Variants in CAST observed in about 807,000 individuals in gnomAD.
CAST encodes calpastatin, also known as MIR583 host.
Under a neutral mutation model 119.6 loss-of-function variants are expected in CAST, and 76 were observed. That is an observed-to-expected ratio of 0.64 (90% CI 0.53 to 0.77). CAST has a LOEUF of 0.77. Among genes scored for constraint, CAST ranks in the 30% least tolerant of loss-of-function variants. The pLI, the probability that CAST is intolerant of heterozygous loss-of-function variation, is 0.00. For synonymous variants in CAST, 319 were observed against 331.6 expected (o/e 0.96, Z 0.41); for missense variants, 953 against 946.5 (o/e 1.01, Z -0.09).
At chr5:96,746,717 T>C (rs1298471513) in intron 17 of CAST, among the ~76,000 whole-genome samples, 4 of 152,186 alleles carry the variant, frequency 2.6e-5, no homozygotes, top group South Asian at 2.1e-4. Context: ...AAGGAACAAT[T>C]TGGGGATAAT....
At chr5:96,509,027 G>A in the CAST span, among the ~76,000 whole-genome samples, 633 of 152,258 alleles carry the variant, frequency 4.2e-3, 5 homozygotes, top group African/African-American at 0.014. Context: ...GCTTAAAATC[G>A]TCAGGCCACA....
the CAST span, among the ~76,000 whole-genome samples, chr5:96,249,255 T>A: frequency 6.6e-6 from 1 of 152,194 alleles, no homozygotes; most frequent in East Asian, 1.9e-4. Context: ...GATGTTTAGG[T>A]GGATATGCTT....
chr5:96,483,972 G>A, the CAST span, among the ~76,000 whole-genome samples: 1 of 152,054 alleles, frequency 6.6e-6, no homozygotes, highest in Non-Finnish European at 1.5e-5. Context: ...AACTTCCCAT[G>A]AGGCCTTATT....
At chr5:96,350,264 A>C in the CAST span, among the ~76,000 whole-genome samples, 1 of 151,830 alleles carries the variant, frequency 6.6e-6, no homozygotes, top group Non-Finnish European at 1.5e-5. Flanking sequence ...AAACAGTTGC[A>C]CTCTTTTGAG....
At chr5:96,618,810 C>CG (rs1350707060) in intron 1 of CAST, among the ~76,000 whole-genome samples, 1 of 152,214 alleles carries the variant, frequency 6.6e-6, no homozygotes, top group East Asian at 1.9e-4. Context: ...CGTGGGCTCC[C>CG]GGGGGACCTG....
the CAST span, chr5:96,412,465 C>G: frequency 6.2e-7 from 1 of 1,614,128 alleles, no homozygotes; most frequent in Non-Finnish European, 8.5e-7. Context: ...TAGCATCCGT[C>G]ACAATGCCAT....
At chr5:96,572,204 T>TA (rs910463656) in intron 1 of CAST, among the ~76,000 whole-genome samples, 3 of 115,566 alleles carry the variant, frequency 2.6e-5, no homozygotes, top group Non-Finnish European at 3.9e-5. Flanking sequence ...CAATTTGTGC[T>TA]ATTTTTTTTT....
chr5:96,223,680 A>G, the CAST span, among the ~76,000 whole-genome samples: 1 of 152,116 alleles, frequency 6.6e-6, no homozygotes, highest in African/African-American at 2.4e-5. Flanking sequence ...GTACTTTGTT[A>G]TGGCAGCCCT....
Position 96,765,327 on chromosome 5 carries a change from TA to T in CAST, c.2037+28del, listed in dbSNP as rs59338324. 0.076 allele frequency: 37,807 copies of T among 500,548 alleles called. 993 individuals carry two copies. The highest frequency in any genetic ancestry group is 0.083 in the Non-Finnish European group (25,870 of 313,566). The allele number at this position is 500,548 out of a possible 1,614,324, so 31.0% of individuals were successfully genotyped here. A position where few individuals can be genotyped will look rare whatever the true frequency, so the allele number is the denominator to read the frequency against. Reference sequence around the variant, plus strand: ...AAACCAATGGAAGATAAAGTAAAGGTAAAAAAAAAAAAAAAAAAAAAAAAAA... The same window carrying T: ...AAACCAATGGAAGATAAAGTAAAGGTAAAAAAAAAAAAAAAAAAAAAAAAA... On this transcript the variant is annotated splice_donor_region_variant and intron_variant, in intron 26 of 31. Coordinates refer to ENST00000675179, the MANE Select transcript of CAST (RefSeq NM_001750.7).
intron 1 of CAST, among the ~76,000 whole-genome samples, chr5:96,671,535 C>T (rs986299712): frequency 6.6e-6 from 1 of 152,126 alleles, no homozygotes; most frequent in East Asian, 1.9e-4. Flanking sequence ...TGGAGAACAT[C>T]GCTGTTCAGA....
the CAST span, among the ~76,000 whole-genome samples, chr5:96,071,330 C>T: frequency 5.3e-5 from 8 of 152,112 alleles, no homozygotes; most frequent in African/African-American, 1.9e-4. Flanking sequence ...GCTACTACCA[C>T]CATTACCATC....
chr5:96,275,329 C>A, the CAST span, among the ~76,000 whole-genome samples: 2 of 152,086 alleles, frequency 1.3e-5, no homozygotes, highest in Non-Finnish European at 2.9e-5. Flanking sequence ...GATCAAGGTT[C>A]AGTTAGATAT....
the CAST span, among the ~76,000 whole-genome samples, chr5:96,035,088 TTTAAG>T: frequency 3.5e-5 from 5 of 142,174 alleles, no homozygotes; most frequent in African/African-American, 1.3e-4. Flanking sequence ...TATATATATA[TTTAAG>T]TATATATATA....
the CAST span, among the ~76,000 whole-genome samples, chr5:96,269,634 A>G: frequency 6.6e-6 from 1 of 152,332 alleles, no homozygotes; most frequent in African/African-American, 2.4e-5. Context: ...GAACAACTAT[A>G]TATGCCAACA....
the CAST span, among the ~76,000 whole-genome samples, chr5:96,082,913 A>T: frequency 6.6e-6 from 1 of 152,242 alleles, no homozygotes; most frequent in African/African-American, 2.4e-5. Flanking sequence ...ATTTGCCCTA[A>T]TTTTAGAAAC....
the CAST span, among the ~76,000 whole-genome samples, chr5:96,108,530 C>T: frequency 6.6e-6 from 1 of 151,522 alleles, no homozygotes; most frequent in Non-Finnish European, 1.5e-5. Context: ...CCCAGTTAGG[C>T]TGCTCGGGGA....
chr5:96,741,407 A>G, intron 14 of CAST, 49 bp downstream of exon 14: 1 of 1,485,312 alleles, frequency 6.7e-7, no homozygotes. Context: ...ACTATTTTGA[A>G]CTTTAAAAGA....
the CAST span, among the ~76,000 whole-genome samples, chr5:96,149,310 T>A: frequency 6.6e-6 from 1 of 152,242 alleles, no homozygotes; most frequent in Non-Finnish European, 1.5e-5. Flanking sequence ...CCACAGTGCC[T>A]TATTGATGGA....
At chr5:96,175,614 G>A in the CAST span, among the ~76,000 whole-genome samples, 1 of 152,150 alleles carries the variant, frequency 6.6e-6, no homozygotes, top group Non-Finnish European at 1.5e-5. Flanking sequence ...CACAACGTTG[G>A]TCAGTGATGT....
Sources: gnomAD v4.1 joint callset for allele counts (sites outside exome capture counted in the v4.1 genomes callset) on GRCh38, gnomAD v4.1.1 for gene constraint, MANE v1.5 for transcripts, NCBI Gene and HGNC (gene_info 2026-07-23, HGNC 2026-07-21) for gene names.